GLIPR1L2: variants seen among roughly 807,000 people sequenced by gnomAD.
GLIPR1L2 encodes the protein GLIPR1 like 2, also known as GLIPR1-like protein 2.
In GLIPR1L2, 21 loss-of-function variants were observed where a neutral mutation model predicts 28.4. The observed-to-expected ratio is 0.74, with a 90% CI of 0.52 to 1.06. The LOEUF (loss-of-function observed/expected upper bound fraction) is 1.06, where lower values mean the gene tolerates loss of function less well. GLIPR1L2 is among the 50% of genes least tolerant of loss of function. The pLI is 0.00. For synonymous variants in GLIPR1L2, 145 were observed against 139.3 expected, an observed-to-expected ratio of 1.04 and a Z score of -0.29; for missense variants, 476 against 416.9, an observed-to-expected ratio of 1.14 and a Z score of -1.23.
At chr12:75,419,256 C>G (rs74108779) in intron 3 of GLIPR1L2, among the ~76,000 whole-genome samples, 1 of 151,998 alleles carries the variant, frequency 6.6e-6, no homozygotes, top group Non-Finnish European at 1.5e-5. Context: ...ATTAATGAAG[C>G]AGTGTGGCAG....
chr12:75,412,242 G>A (rs2045875418), intron 2 of GLIPR1L2, among the ~76,000 whole-genome samples: 1 of 151,818 alleles, frequency 6.6e-6, no homozygotes, highest in African/African-American at 2.4e-5. Context: ...TTCAACCAGA[G>A]GTTGAAAATT....
rs1594014546 is a variant in GLIPR1L2 at position 75,410,647 on chromosome 12, A to T, written c.448A>T (p.Ser150Cys). The T allele has an allele frequency of 1.9e-6, 3 of 1,610,152 alleles. No individual in the cohort carries two copies. Residue 150 changes from serine to cysteine, a missense_variant, in exon 2 of 6, where the codon AGT (serine) becomes TGT (cysteine). Coordinates refer to ENST00000550916, the MANE Select transcript of GLIPR1L2 (RefSeq NM_001270396.2). ...EKKMYNFENG[S>C]CSGDCSNYIQ... ...GAAAATGTACAATTTTGAAAATGGC[A>T]GTTGCTCTGGAGACTGTTCTAATTA...
chr12:75,407,024 T>TC (rs1335972006), intron 1 of GLIPR1L2, among the ~76,000 whole-genome samples: 1 of 151,978 alleles, frequency 6.6e-6, no homozygotes, highest in Non-Finnish European at 1.5e-5. Context: ...CTTCATCCCC[T>TC]CCCCTTGAGC....
chr12:75,430,771 C>G, intron 5 of GLIPR1L2, 30 bp downstream of exon 5: 1 of 1,534,326 alleles, frequency 6.5e-7, no homozygotes, highest in Non-Finnish European at 8.7e-7. Flanking sequence ...ATTTCTTGAA[C>G]AATTGAACTG....
chr12:75,393,416 C>T (rs2045651493), intron 1 of GLIPR1L2, among the ~76,000 whole-genome samples: 1 of 152,050 alleles, frequency 6.6e-6, no homozygotes, highest in South Asian at 2.1e-4. Context: ...CCCCTCCTCC[C>T]AGGCCTCTAT....
chr12:75,407,455 T>A (rs1447829678), intron 1 of GLIPR1L2, among the ~76,000 whole-genome samples: 1 of 152,024 alleles, frequency 6.6e-6, no homozygotes, highest in Non-Finnish European at 1.5e-5. Flanking sequence ...ACAAGTGGTG[T>A]GGAACTATAA....
At chr12:75,422,620 A>G (rs2045988872) in intron 3 of GLIPR1L2, among the ~76,000 whole-genome samples, 1 of 152,166 alleles carries the variant, frequency 6.6e-6, no homozygotes, top group South Asian at 2.1e-4. Flanking sequence ...TCATTTTTAA[A>G]GGATACATTT....
chr12:75,405,077 A>T (rs2045782222), intron 1 of GLIPR1L2, among the ~76,000 whole-genome samples: 2 of 152,230 alleles, frequency 1.3e-5, no homozygotes, highest in Admixed American at 1.3e-4. Context: ...AATAATTCAC[A>T]GTAATTTACT....
intron 4 of GLIPR1L2, chr12:75,423,488 G>A: frequency 3.6e-6 from 3 of 825,016 alleles, no homozygotes; most frequent in Non-Finnish European, 4.4e-6. Flanking sequence ...TACTCCAAAA[G>A]TATAACTGTA....
rs1183493725 is a variant in GLIPR1L2, at chr12:75,410,682, A to T, written c.480+3A>T. The T allele has an allele frequency of 1.3e-6, 2 of 1,574,580 alleles. No individual in the cohort carries two copies. The highest frequency in any genetic ancestry group is 1.7e-6 in the Non-Finnish European group (2 of 1,158,872). On this transcript the variant is annotated splice_donor_region_variant and intron_variant, in intron 2 of 5. Transcript: ENST00000550916. Reference sequence around the variant, plus strand: ...GAGACTGTTCTAATTATATTCAGGTATGTAATTTTTATTTTGTTATTAATT... The same window carrying T: ...GAGACTGTTCTAATTATATTCAGGTTTGTAATTTTTATTTTGTTATTAATT...
chr12:75,391,406 C>T (rs2139902549), intron 1 of GLIPR1L2, 56 bp downstream of exon 1: 1 of 1,602,068 alleles, frequency 6.2e-7, no homozygotes, highest in East Asian at 2.2e-5. Flanking sequence ...CAACGCCTCC[C>T]TGGATCTCGG....
At chr12:75,394,623 A>G (rs749573006) in intron 1 of GLIPR1L2, among the ~76,000 whole-genome samples, 12 of 151,928 alleles carry the variant, frequency 7.9e-5, no homozygotes, top group African/African-American at 2.7e-4. Flanking sequence ...TAGTTCCACA[A>G]TGATTACTGT....
chr12:75,411,486 T>C (rs1055516094), intron 2 of GLIPR1L2, among the ~76,000 whole-genome samples: 1 of 151,850 alleles, frequency 6.6e-6, no homozygotes, highest in Non-Finnish European at 1.5e-5. Context: ...AATTTTTTCA[T>C]CAGTTTTTTT....
chr12:75,403,931 C>T (rs1355664609), intron 1 of GLIPR1L2, among the ~76,000 whole-genome samples: 1 of 152,108 alleles, frequency 6.6e-6, no homozygotes, highest in African/African-American at 2.4e-5. Context: ...AATATCTAAA[C>T]AACTATTTGA....
At chr12:75,424,382 TC>T (rs1284492954) in intron 4 of GLIPR1L2, among the ~76,000 whole-genome samples, 1 of 152,246 alleles carries the variant, frequency 6.6e-6, no homozygotes, top group Non-Finnish European at 1.5e-5. Flanking sequence ...AAGTGTCTGT[TC>T]ATGTCCTTTG....
At chr12:75,420,793 A>T (rs1164613880) in intron 3 of GLIPR1L2, among the ~76,000 whole-genome samples, 1 of 152,238 alleles carries the variant, frequency 6.6e-6, no homozygotes, top group Admixed American at 6.5e-5. Context: ...GAAGATTAAC[A>T]TAGGGGAGGG....
chr12:75,410,760 C>A, intron 2 of GLIPR1L2, 81 bp downstream of exon 2: 2 of 1,035,434 alleles, frequency 1.9e-6, no homozygotes, highest in Non-Finnish European at 2.8e-6. Context: ...CAAATTTGTA[C>A]ATAAACTCAA....
intron 4 of GLIPR1L2, among the ~76,000 whole-genome samples, chr12:75,424,409 G>C (rs547216784): frequency 6.6e-6 from 1 of 152,016 alleles, no homozygotes; most frequent in Non-Finnish European, 1.5e-5. Flanking sequence ...TTTTCGATGG[G>C]GTTGTTTGTT....
rs1266387115 is a variant in GLIPR1L2, at chr12:75,430,805, A to C, written c.698-19A>C. Reference sequence around the variant, plus strand: ...TGCTTTATATGAAATCCAGCTTTCAATTGCTTCTTTGTTTACAGATTACCG... The same window carrying C: ...TGCTTTATATGAAATCCAGCTTTCACTTGCTTCTTTGTTTACAGATTACCG... On this transcript the variant is annotated intron_variant, in intron 5 of 5. Coordinates refer to ENST00000550916, the MANE Select transcript of GLIPR1L2 (RefSeq NM_001270396.2). The C allele has an allele frequency of 2.2e-5, 33 of 1,532,898 alleles. No homozygotes were observed. Among genetic ancestry groups the C allele is most frequent in the Non-Finnish European group, 2.8e-5 (32 of 1,145,718 alleles). 95.0% of individuals were successfully genotyped at this position (1,532,898 alleles called of 1,614,324 possible).
Sources: allele counts gnomAD v4.1 joint callset (sites outside exome capture counted in the v4.1 genomes callset), GRCh38; gene constraint gnomAD v4.1.1; transcripts MANE v1.5; gene names NCBI Gene and HGNC (gene_info 2026-07-23, HGNC 2026-07-21).